GARNL3: variants seen among roughly 807,000 people sequenced by gnomAD.
GARNL3 encodes the protein GTPase activating Rap/RanGAP domain like 3.
In GARNL3, 63 loss-of-function variants were observed where a neutral mutation model predicts 125.0. That is an observed-to-expected ratio of 0.50 (90% CI 0.41 to 0.62). The LOEUF is 0.62. Among genes scored for constraint, GARNL3 ranks in the 20% least tolerant of loss-of-function variants. The pLI, the probability that GARNL3 is intolerant of heterozygous loss-of-function variation, is 0.00. For synonymous variants in GARNL3, 439 were observed against 457.5 expected (o/e 0.96, Z 0.52); for missense variants, 994 against 1,244.0 (o/e 0.80, Z 3.02).
intron 7 of GARNL3, 69 bp downstream of exon 7, chr9:127,325,164 C>T: frequency 6.8e-7 from 1 of 1,471,126 alleles, no homozygotes; most frequent in South Asian, 1.1e-5. Context: ...TCTCCTTTCA[C>T]TGTGAACCCA....
intron 6 of GARNL3, among the ~76,000 whole-genome samples, chr9:127,324,673 T>A (rs189415215): frequency 2.0e-5 from 3 of 152,348 alleles, no homozygotes; most frequent in Non-Finnish European, 4.4e-5. Flanking sequence ...GTAATTTAAG[T>A]TGATTAAATC....
chr9:127,295,240 T>G (rs1353387635), intron 2 of GARNL3, among the ~76,000 whole-genome samples: 5 of 152,214 alleles, frequency 3.3e-5, no homozygotes, highest in South Asian at 2.1e-4. Flanking sequence ...TGTAAAGGTT[T>G]CTTGTACACC....
intron 1 of GARNL3, among the ~76,000 whole-genome samples, chr9:127,238,708 A>G (rs1244435346): frequency 6.6e-6 from 1 of 152,056 alleles, no homozygotes; most frequent in Non-Finnish European, 1.5e-5. Flanking sequence ...CTATTGCAGT[A>G]TTGGACGTTT....
At chr9:127,378,979 T>A (rs759187219) in intron 22 of GARNL3, among the ~76,000 whole-genome samples, 1 of 152,184 alleles carries the variant, frequency 6.6e-6, no homozygotes, top group Non-Finnish European at 1.5e-5. Context: ...GGTTTCACCA[T>A]GGTGGCCAGG....
chr9:127,230,854 G>C (rs1406508384), intron 1 of GARNL3, among the ~76,000 whole-genome samples: 1 of 151,256 alleles, frequency 6.6e-6, no homozygotes, highest in Non-Finnish European at 1.5e-5. Flanking sequence ...TAGGTACCTA[G>C]GGAAATGGTT....
At chr9:127,225,411 G>C in intron 1 of GARNL3, 1 of 978,568 alleles carries the variant, frequency 1.0e-6, no homozygotes, top group Non-Finnish European at 1.2e-6. Flanking sequence ...AAGGTACTGC[G>C]GACGGGGAGG....
chr9:127,269,607 A>G (rs79452436), intron 1 of GARNL3, among the ~76,000 whole-genome samples: 7 of 152,308 alleles, frequency 4.6e-5, no homozygotes, highest in African/African-American at 1.7e-4. Context: ...AATAATAGTC[A>G]TTGTAATAGT....
Position 127,389,068 on chromosome 9 carries a change from T to A in GARNL3, c.2692T>A (p.Ser898Thr). The A allele has an allele frequency of 6.2e-7, 1 of 1,614,182 alleles. No individual in the cohort carries two copies. Among genetic ancestry groups the A allele is most frequent in the Non-Finnish European group, 8.5e-7 (1 of 1,180,028 alleles). The change falls in exon 26 of 28, where the codon TCT becomes ACT. Residue 898 changes from serine (S) to threonine (T), a missense_variant. Ser to Thr is a moderately conservative substitution (Grantham distance 58). This residue lies in a region of GARNL3 where 728 missense variants were observed against 865.7 expected (regional missense o/e 0.84). Transcript: ENST00000373387. ...AIPVTHSLSL[S>T]RMEIKEIASR... ...TCCAGTCACGCACTCCTTGTCCCTG[T>A]CTCGCATGGAGATCAAAGAAATAGC...
At chr9:127,320,196 TGTAA>T (rs2065356925) in intron 5 of GARNL3, among the ~76,000 whole-genome samples, 1 of 152,212 alleles carries the variant, frequency 6.6e-6, no homozygotes, top group African/African-American at 2.4e-5. Context: ...TCTGGTGTAT[TGTAA>T]GTAGTCTAGA....
chr9:127,292,098 C>A (rs1025089844), intron 2 of GARNL3, among the ~76,000 whole-genome samples: 1 of 152,136 alleles, frequency 6.6e-6, no homozygotes, highest in African/African-American at 2.4e-5. Flanking sequence ...TCCTGACCAC[C>A]TCCTAATGCA....
In GARNL3 at chr9:127,289,366, G is replaced by A. The variant is rs117118972; in HGVS notation, c.145-1802G>A. Among the ~76,000 whole-genome samples the A allele has an allele frequency of 6.4e-3, 975 of 152,294 alleles. 40 individuals carry two copies. Among genetic ancestry groups the A allele is most frequent in the Non-Finnish European group, 8.6e-3 (588 of 68,018 alleles). On this transcript the variant is annotated intron_variant, in intron 1 of 27. Coordinates refer to ENST00000373387, the MANE Select transcript of GARNL3 (RefSeq NM_032293.5). ...TCACTTATGATTTATTACAACAAAAGGATACACATTAAGATTAGCCAAGGG... is the reference window on the plus strand; with the variant it reads ...TCACTTATGATTTATTACAACAAAAAGATACACATTAAGATTAGCCAAGGG...
chr9:127,328,666 AT>A (rs1424894093), intron 7 of GARNL3, among the ~76,000 whole-genome samples: 1 of 152,120 alleles, frequency 6.6e-6, no homozygotes, highest in Non-Finnish European at 1.5e-5. Context: ...GGGGTGTCTC[AT>A]TTTGAATAAG....
chr9:127,267,948 T>C (rs16929725), intron 1 of GARNL3, among the ~76,000 whole-genome samples: 5,680 of 152,296 alleles, frequency 0.037, 353 homozygotes, highest in African/African-American at 0.13. Flanking sequence ...CGGCCATTCA[T>C]ATCAGTAATG....
chr9:127,364,891 G>A lies in GARNL3; in HGVS notation c.2095-409G>A, dbSNP rs181908264. On this transcript the variant is annotated intron_variant, in intron 21 of 27. Transcript: ENST00000373387. The surrounding 1 kb of genome is among the most constrained non-coding windows in gnomAD (Gnocchi z 4.2). ...ACCCTGAGCCTCACTTTCATCTTCT[G>A]TAAAATGATAATTATACCATAATGT... 7 of 173,326 alleles carry A rather than the reference G, an allele frequency of 4.0e-5. No individual in the cohort carries two copies. The East Asian group carries it at 1.2e-3, about 30-fold the overall frequency. The allele number at this position is 173,326 out of a possible 1,614,324, so 10.7% of individuals were successfully genotyped here.
At chr9:127,347,608 T>A (rs1297728733) in intron 16 of GARNL3, among the ~76,000 whole-genome samples, 1 of 152,194 alleles carries the variant, frequency 6.6e-6, no homozygotes, top group African/African-American at 2.4e-5. Context: ...ATATTGTTAC[T>A]AAGAACTGGT....
intron 6 of GARNL3, 92 bp from the exon 7 acceptor site, chr9:127,324,977 T>C (rs1249843657): frequency 1.6e-5 from 21 of 1,280,468 alleles, no homozygotes; most frequent in Non-Finnish European, 2.0e-5. Flanking sequence ...AAAATGTCAG[T>C]GTGAGCAAAC....
intron 25 of GARNL3, chr9:127,388,451 CA>C (rs2131837166): frequency 5.9e-6 from 1 of 170,208 alleles, no homozygotes; most frequent in East Asian, 1.7e-4. Context: ...ATAGAGTCAT[CA>C]AGCCTAGACA....
chr9:127,344,941 C>T (rs150938636), intron 15 of GARNL3, among the ~76,000 whole-genome samples: 46 of 152,240 alleles, frequency 3.0e-4, no homozygotes, highest in African/African-American at 9.9e-4. Context: ...GGAGGAGTGC[C>T]CTCAGCTGCA....
At chr9:127,348,864 G>A (rs1249025211) in intron 16 of GARNL3, 60 bp from the exon 17 acceptor site, 1 of 1,115,352 alleles carries the variant, frequency 9.0e-7, no homozygotes, top group Non-Finnish European at 1.3e-6. Context: ...TTTCCATTTG[G>A]TGGGCTGCAG....
Sources: gnomAD v4.1 joint callset for allele counts (sites outside exome capture counted in the v4.1 genomes callset) on GRCh38, gnomAD v4.1.1 for gene constraint, gnomAD v4.1.1 regional missense constraint, Gnocchi (gnomAD v3.1) non-coding constraint, MANE v1.5 for transcripts, NCBI Gene and HGNC (gene_info 2026-07-23, HGNC 2026-07-21) for gene names.